LMF1: variants seen among roughly 807,000 people sequenced by gnomAD.
LMF1 encodes the protein lipase maturation factor 1, also known as transmembrane protein 112.
LMF1 carries 68 observed loss-of-function variants against 60.6 expected under a neutral mutation model. The observed-to-expected ratio is 1.12, with a 90% CI of 0.92 to 1.37. LMF1 has a LOEUF of 1.37. Among genes scored for constraint, LMF1 ranks in the 40% most tolerant of loss-of-function variants. The pLI, the probability that LMF1 is intolerant of heterozygous loss-of-function variation, is 0.00. For missense variants in LMF1, 948 were observed against 767.2 expected, an observed-to-expected ratio of 1.24 and a Z score of -2.78; for synonymous variants, 418 against 324.7, an observed-to-expected ratio of 1.29 and a Z score of -3.09.
chr16:930,187 C>T (rs914619128), intron 3 of LMF1, among the ~76,000 whole-genome samples: 3 of 130,300 alleles, frequency 2.3e-5, no homozygotes, highest in Admixed American at 1.5e-4. Flanking sequence ...AGGACAGCAG[C>T]GGTCGTGTTC....
chr16:863,204 C>T (rs982436542), intron 10 of LMF1, among the ~76,000 whole-genome samples: 5 of 152,108 alleles, frequency 3.3e-5, no homozygotes, highest in African/African-American at 9.7e-5. Context: ...CTTGTGGTGT[C>T]GCCCAGGCTG....
At chr16:959,550 GT>G (rs1391870066) in intron 1 of LMF1, among the ~76,000 whole-genome samples, 3 of 152,200 alleles carry the variant, frequency 2.0e-5, no homozygotes, top group East Asian at 3.9e-4. Context: ...CGACCAGGAG[GT>G]TGGGGGATGC....
intron 1 of LMF1, chr16:977,206 G>A (rs2073173360): frequency 2.4e-6 from 1 of 423,096 alleles, no homozygotes; most frequent in South Asian, 1.7e-5. Context: ...CCAGCCAACA[G>A]GCCAGCCTTG....
chr16:974,590 G>C (rs2073100709), upstream of LMF1, among the ~76,000 whole-genome samples: 1 of 152,222 alleles, frequency 6.6e-6, no homozygotes. Flanking sequence ...TGCCTCCCCG[G>C]AGACCGACCA....
chr16:980,391 T>C (rs1245880658), intron 1 of LMF1: 3 of 152,656 alleles, frequency 2.0e-5, no homozygotes, highest in African/African-American at 4.8e-5. Context: ...TGCGGTGCGC[T>C]GGCAGGAAGC....
intron 8 of LMF1, 21 bp from the exon 9 acceptor site, chr16:870,087 G>A (rs748351450): frequency 1.3e-6 from 2 of 1,598,924 alleles, no homozygotes; most frequent in Non-Finnish European, 8.5e-7. Context: ...ACCGAGGCAG[G>A]CCAGGCCCAC....
intron 4 of LMF1, among the ~76,000 whole-genome samples, chr16:906,160 C>T (rs1233225240): frequency 6.6e-6 from 1 of 152,144 alleles, no homozygotes; most frequent in African/African-American, 2.4e-5. Context: ...GGTGGCTTGT[C>T]CAGGAATCAT....
chr16:871,014 C>T (rs2069771931), intron 7 of LMF1, 132 bp from the exon 8 acceptor site: 4 of 1,407,590 alleles, frequency 2.8e-6, no homozygotes, highest in Non-Finnish European at 3.8e-6. Context: ...CCCGAACTCA[C>T]ACACCTTGTT....
At chr16:973,540 G>A (rs1051824583), upstream of LMF1, among the ~76,000 whole-genome samples, 2 of 152,176 alleles carry the variant, frequency 1.3e-5, no homozygotes, top group African/African-American at 2.4e-5. Flanking sequence ...GTCTGGGGAC[G>A]GGGAGTGGGG....
chr16:869,296 G>C (rs978275971), intron 9 of LMF1: 1 of 675,560 alleles, frequency 1.5e-6, no homozygotes. Context: ...GTGCCTTGGA[G>C]CCTGTCCACC....
At chr16:867,272 C>G (rs775185716) in intron 10 of LMF1, among the ~76,000 whole-genome samples, 2 of 152,262 alleles carry the variant, frequency 1.3e-5, no homozygotes, top group Non-Finnish European at 2.9e-5. Flanking sequence ...CTTTGGGACT[C>G]ATGGATGGAC....
chr16:902,046 T>G (rs1470585201), intron 4 of LMF1: 1 of 152,232 alleles, frequency 6.6e-6, no homozygotes, highest in East Asian at 1.9e-4. Context: ...CCCTGTCTGT[T>G]GCCCCAACCC....
intron 6 of LMF1, among the ~76,000 whole-genome samples, chr16:876,153 G>A (rs964365732): frequency 3.3e-5 from 5 of 152,254 alleles, no homozygotes; most frequent in Admixed American, 6.5e-5. Flanking sequence ...GAAACAAACC[G>A]GGGCACGTGC....
chr16:862,012 C>T (rs1297614100), intron 10 of LMF1, among the ~76,000 whole-genome samples: 1 of 152,150 alleles, frequency 6.6e-6, no homozygotes, highest in Admixed American at 6.5e-5. Flanking sequence ...CACGGGCCTT[C>T]CCAACACTGA....
At chr16:954,300 G>A (rs1389565698) in intron 2 of LMF1, 57 bp downstream of exon 2, 9 of 1,522,072 alleles carry the variant, frequency 5.9e-6, no homozygotes, top group Middle Eastern at 1.7e-4. Context: ...CACCTGCAGT[G>A]CCTGTGCTGA....
At chr16:934,300 C>A (rs2071878373) in intron 2 of LMF1, 46 bp from the exon 3 acceptor site, 1 of 1,597,948 alleles carries the variant, frequency 6.3e-7, no homozygotes, top group Non-Finnish European at 8.5e-7. Context: ...TGGCTTGTTT[C>A]AACCAAAAAC....
intron 2 of LMF1, among the ~76,000 whole-genome samples, chr16:950,597 T>A (rs1242145013): frequency 8.7e-6 from 1 of 114,700 alleles, no homozygotes; most frequent in East Asian, 2.6e-4. Flanking sequence ...AATGACAGAG[T>A]CAGAGACAAC....
Position 976,449 on chromosome 16 carries a change from C to A in LMF1, c.-135+4696G>T, listed in dbSNP as rs756871227. The stretch of plus-strand genomic sequence containing the variant: ...ACTGCCACCAACGGAAGCGTTGATT[C>A]CAAGTCTCAGACACCGCCCCCAGGC... On this transcript the variant is annotated intron_variant, in intron 1 of 6. Transcript: ENST00000570014. 6.6e-5 allele frequency: 30 copies of A among 453,968 alleles called. 1 individual carries two copies. Among genetic ancestry groups the A allele is most frequent in the South Asian group, 4.7e-4 (30 of 64,482 alleles). The allele number at this position is 453,968 out of a possible 1,614,324, so 28.1% of individuals were successfully genotyped here.
chr16:920,797 T>C (rs1169991887), intron 3 of LMF1, among the ~76,000 whole-genome samples: 1 of 152,214 alleles, frequency 6.6e-6, no homozygotes, highest in African/African-American at 2.4e-5. Flanking sequence ...CACGTTACAC[T>C]GGAACGTCAG....
Sources: gnomAD v4.1 joint callset for allele counts (sites outside exome capture counted in the v4.1 genomes callset) on GRCh38, gnomAD v4.1.1 for gene constraint, MANE v1.5 for transcripts, NCBI Gene and HGNC (gene_info 2026-07-23, HGNC 2026-07-21) for gene names.